The following NRXN1 variants were observed in gnomAD, a reference collection of about 807,000 sequenced individuals.
NRXN1 encodes neurexin 1.
Under a neutral mutation model 150.9 loss-of-function variants are expected in NRXN1, and 39 were observed. That is an observed-to-expected ratio of 0.26 (90% confidence interval 0.20 to 0.34). The LOEUF (loss-of-function observed/expected upper bound fraction) is 0.34, where lower values mean the gene tolerates loss of function less well. NRXN1 is among the 10% of genes least tolerant of loss of function. The pLI, the probability that NRXN1 is intolerant of heterozygous loss-of-function variation, is 1.00. For synonymous variants in NRXN1, 924 were observed against 757.0 expected (o/e 1.22, Z -3.62); for missense variants, 1,815 against 1,949.9 (o/e 0.93, Z 1.30).
chr2:49,970,889 A>G (rs1231732316), intron 21 of NRXN1, among the ~76,000 whole-genome samples: 1 of 152,046 alleles, frequency 6.6e-6, no homozygotes, highest in Non-Finnish European at 1.5e-5. Context: ...AAACACTGGG[A>G]GCAGGGAAAA....
intron 15 of NRXN1, among the ~76,000 whole-genome samples, chr2:50,494,411 C>T (rs532310334): frequency 1.3e-5 from 2 of 152,266 alleles, no homozygotes; most frequent in South Asian, 4.1e-4. Flanking sequence ...CCTGAGCCCA[C>T]TGTGCAAAAC....
chr2:50,848,520 A>T (rs1307795578), intron 5 of NRXN1, among the ~76,000 whole-genome samples: 1 of 152,122 alleles, frequency 6.6e-6, no homozygotes. Flanking sequence ...ACAATTTCAG[A>T]GGCGGGAGAG....
chr2:49,986,559 C>T (rs1017691109), intron 21 of NRXN1, among the ~76,000 whole-genome samples: 1 of 152,056 alleles, frequency 6.6e-6, no homozygotes, highest in Non-Finnish European at 1.5e-5. Context: ...TCCACTGTAT[C>T]CTTATGAAAC....
At chr2:50,592,469 C>T (rs1195662381) in intron 8 of NRXN1, among the ~76,000 whole-genome samples, 1 of 152,090 alleles carries the variant, frequency 6.6e-6, no homozygotes, top group African/African-American at 2.4e-5. Context: ...AGAGACAGTC[C>T]CTCTGTGAGG....
chr2:49,946,751 G>C (rs1672979925), intron 21 of NRXN1, among the ~76,000 whole-genome samples: 1 of 152,054 alleles, frequency 6.6e-6, no homozygotes, highest in African/African-American at 2.4e-5. Flanking sequence ...AGCCCATATA[G>C]CCAAGCCAAT....
At chr2:50,330,590 A>G (rs2076776275) in intron 17 of NRXN1, among the ~76,000 whole-genome samples, 1 of 152,210 alleles carries the variant, frequency 6.6e-6, no homozygotes, top group Admixed American at 6.5e-5. Context: ...AGTAGTATAA[A>G]TTAAGCAAGG....
rs959202443 is a variant in NRXN1 at position 50,132,833 on chromosome 2, T to C, written c.3547-41339A>G. 7.3e-5 allele frequency among the ~76,000 whole-genome samples: 11 copies of C among 149,692 alleles called. No homozygotes were observed. The East Asian group carries it at 1.6e-3, about 22-fold the overall frequency. ...CAGTTAGGAAAGTACTCTATGTAAG[T>C]TCTGAAAGTCTGGATTTAGGGTCTT... On this transcript the variant is annotated intron_variant, in intron 18 of 22. Coordinates refer to ENST00000401669, the MANE Select transcript of NRXN1 (RefSeq NM_001330078.2).
intron 19 of NRXN1, among the ~76,000 whole-genome samples, chr2:50,086,162 A>C (rs998970148): frequency 4.6e-5 from 7 of 152,216 alleles, no homozygotes; most frequent in Non-Finnish European, 7.3e-5. Context: ...TTGAAAAATT[A>C]AATTAAACAA....
At chr2:50,177,805 CT>C (rs1559035946) in intron 18 of NRXN1, among the ~76,000 whole-genome samples, 1 of 145,078 alleles carries the variant, frequency 6.9e-6, no homozygotes, top group East Asian at 2.0e-4. Context: ...CTCTCTCTCT[CT>C]CTCTCCTCCT....
At chr2:50,400,822 G>C (rs1405342348) in intron 17 of NRXN1, among the ~76,000 whole-genome samples, 1 of 152,184 alleles carries the variant, frequency 6.6e-6, no homozygotes, top group Non-Finnish European at 1.5e-5. Flanking sequence ...AGATTTGGTA[G>C]AAACTGAAGA....
chr2:50,133,372 G>A (rs1705857879), intron 18 of NRXN1, among the ~76,000 whole-genome samples: 1 of 140,212 alleles, frequency 7.1e-6, no homozygotes, highest in South Asian at 2.4e-4. Context: ...AAAACTTAAT[G>A]CAAGATAGTT....
intron 18 of NRXN1, among the ~76,000 whole-genome samples, chr2:50,137,799 T>C (rs1706646998): frequency 1.3e-5 from 2 of 152,210 alleles, no homozygotes; most frequent in Admixed American, 1.3e-4. Flanking sequence ...AAGTAATGTT[T>C]TAAAAAGAAA....
At chr2:50,908,826 A>AAG (rs1301272231) in intron 5 of NRXN1, among the ~76,000 whole-genome samples, 1 of 151,924 alleles carries the variant, frequency 6.6e-6, no homozygotes, top group Non-Finnish European at 1.5e-5. Context: ...TAAGAAGAGG[A>AAG]AGAGAGACCT....
intron 5 of NRXN1, among the ~76,000 whole-genome samples, chr2:50,803,597 C>T (rs1383502492): frequency 2.6e-5 from 4 of 152,106 alleles, no homozygotes; most frequent in African/African-American, 9.7e-5. Flanking sequence ...GAGTTCTCTT[C>T]CTTGGCAGAA....
intron 5 of NRXN1, among the ~76,000 whole-genome samples, chr2:50,895,212 T>C (rs959205467): frequency 5.9e-5 from 9 of 152,126 alleles, no homozygotes; most frequent in South Asian, 2.1e-4. Context: ...ACATACCCTA[T>C]TGGGGCCTAA....
intron 21 of NRXN1, among the ~76,000 whole-genome samples, chr2:49,983,326 C>G (rs1680304590): frequency 6.6e-6 from 1 of 152,060 alleles, no homozygotes; most frequent in Admixed American, 6.6e-5. Context: ...GTTTGTTAAG[C>G]AAATGAGGAA....
At chr2:50,138,013 A>G (rs1441053731) in intron 18 of NRXN1, among the ~76,000 whole-genome samples, 1 of 152,228 alleles carries the variant, frequency 6.6e-6, no homozygotes, top group Non-Finnish European at 1.5e-5. Context: ...AGCTAAGCCA[A>G]TTGTTTTCTA....
At chr2:50,142,221 C>G (rs1458924795) in intron 18 of NRXN1, among the ~76,000 whole-genome samples, 1 of 151,956 alleles carries the variant, frequency 6.6e-6, no homozygotes, top group Non-Finnish European at 1.5e-5. Context: ...ACAAATATCA[C>G]ATGTTCTCAC....
At chr2:50,207,469 GAAAT>G (rs1423254543) in intron 18 of NRXN1, 1 of 152,064 alleles carries the variant, frequency 6.6e-6, no homozygotes, top group Non-Finnish European at 1.5e-5. Context: ...ATACAATTAA[GAAAT>G]ATATATTTAT....
Sources: gnomAD v4.1 joint callset for allele counts (sites outside exome capture counted in the v4.1 genomes callset) on GRCh38, gnomAD v4.1.1 for gene constraint, MANE v1.5 for transcripts, NCBI Gene and HGNC (gene_info 2026-07-23, HGNC 2026-07-21) for gene names.